Variants in HYDIN observed in about 807,000 individuals in gnomAD.
HYDIN encodes axonemal central pair apparatus protein HYDIN.
A neutral mutation model predicts 403.9 loss-of-function variants in HYDIN; 132 were observed. That is an observed-to-expected ratio of 0.33 (90% CI 0.28 to 0.38). The LOEUF (loss-of-function observed/expected upper bound fraction) is 0.38, where lower values mean the gene tolerates loss of function less well. Ranked by LOEUF, HYDIN falls within the 10% of genes least tolerant of loss-of-function variation. The probability of loss-of-function intolerance (pLI) is 1.00; values close to 1 mark genes in which losing one functional copy is unlikely to be tolerated. For missense variants in HYDIN, 2,827 were observed against 5,009.5 expected (o/e 0.56, Z 13.15); for synonymous variants, 1,202 against 1,891.7 (o/e 0.64, Z 9.46).
At chr16:71,044,765 T>C (rs898328309) in intron 18 of HYDIN, among the ~76,000 whole-genome samples, 1 of 141,530 alleles carries the variant, frequency 7.1e-6, no homozygotes. Flanking sequence ...ATTGAACATA[T>C]TGAGCATATT....
Position 71,226,292 on chromosome 16 carries a change from T to C in HYDIN, c.-24+4270A>G, listed in dbSNP as rs1430390848. On this transcript the variant is annotated intron_variant, in intron 1 of 85. Coordinates refer to ENST00000393567, the MANE Select transcript of HYDIN (RefSeq NM_001270974.2). Reference sequence around the variant, plus strand: ...TAAATCAGAAACATGTATTCACACATACATGGTCAACTGATTTTTGACAAA... The same window carrying C: ...TAAATCAGAAACATGTATTCACACACACATGGTCAACTGATTTTTGACAAA... 3.9e-5 allele frequency among the ~76,000 whole-genome samples: 6 copies of C among 152,310 alleles called. No individual in the cohort carries two copies. The East Asian group carries it at 7.7e-4, about 20-fold the overall frequency.
intron 57 of HYDIN, 133 bp from the exon 58 acceptor site, chr16:70,889,837 C>G (rs527661395): frequency 1.5e-6 from 1 of 680,362 alleles, no homozygotes; most frequent in African/African-American, 1.8e-5. Context: ...CAAGAGGACA[C>G]TGGAGTGGCA....
At chr16:70,996,563 T>C (rs2079540149) in intron 23 of HYDIN, among the ~76,000 whole-genome samples, 1 of 152,042 alleles carries the variant, frequency 6.6e-6, no homozygotes, top group Admixed American at 6.6e-5. Context: ...TGAGCCATAG[T>C]TCACATAATG....
intron 25 of HYDIN, among the ~76,000 whole-genome samples, chr16:70,989,002 T>A (rs2144037639): frequency 6.6e-6 from 1 of 152,210 alleles, no homozygotes; most frequent in East Asian, 1.9e-4. Context: ...TTTGAGGATG[T>A]TTGCTTTAAT....
At chr16:71,063,501 G>A (rs2082158264) in intron 16 of HYDIN, among the ~76,000 whole-genome samples, 1 of 152,216 alleles carries the variant, frequency 6.6e-6, no homozygotes, top group South Asian at 2.1e-4. Flanking sequence ...CCTATGCCCA[G>A]TCCTGCTGTG....
chr16:70,853,214 A>C lies in HYDIN; in HGVS notation c.12443+1914T>G, dbSNP rs561761859. Among the ~76,000 whole-genome samples, 6 of 152,230 alleles carry C rather than the reference A, an allele frequency of 3.9e-5. No individual in the cohort carries two copies. In the South Asian group the frequency reaches 1.2e-3, roughly 32 times the overall value. On this transcript the variant is annotated intron_variant, in intron 73 of 85. Coordinates refer to ENST00000393567, the MANE Select transcript of HYDIN (RefSeq NM_001270974.2). The stretch of plus-strand genomic sequence containing the variant: ...AATAAAAAAATTGTGACACCACTAA[A>C]TTTTGGTGATGTTGTGGAGATTCTG...
intron 1 of HYDIN, among the ~76,000 whole-genome samples, chr16:71,208,605 C>T (rs138103824): frequency 5.9e-5 from 9 of 152,014 alleles, no homozygotes; most frequent in Middle Eastern, 3.4e-3. Context: ...AAAATATCAA[C>T]AAATCCAGAG....
intron 73 of HYDIN, among the ~76,000 whole-genome samples, chr16:70,853,761 T>C (rs978570036): frequency 1.4e-5 from 2 of 144,168 alleles, no homozygotes; most frequent in Non-Finnish European, 3.0e-5. Flanking sequence ...AAGGGATCTG[T>C]TCTGTGTCTT....
chr16:71,006,759 G>A (rs2079900394), intron 23 of HYDIN, among the ~76,000 whole-genome samples: 2 of 151,946 alleles, frequency 1.3e-5, no homozygotes, highest in South Asian at 2.1e-4. Context: ...TCACCCTGCT[G>A]GGACTGATCA....
chr16:70,938,320 G>A (rs144907427), intron 44 of HYDIN, among the ~76,000 whole-genome samples: 1,851 of 152,348 alleles, frequency 0.012, 11 homozygotes, highest in Non-Finnish European at 0.02. Context: ...GGGCCCCAGG[G>A]CAGCACAGAG....
At chr16:71,169,975 A>G (rs568790211) in intron 5 of HYDIN, among the ~76,000 whole-genome samples, 1 of 152,296 alleles carries the variant, frequency 6.6e-6, no homozygotes, top group East Asian at 1.9e-4. Context: ...TTATTTTTTT[A>G]AATTGTGGTT....
rs1257683525 is a variant in HYDIN at position 70,804,227 on chromosome 16, C to A, written c.*3353G>T. ...GGCTCTTGGTCCCAGGGAGAAGGAA[C>A]TTCCTCCTCTCTCAGGGGCTAGGAG... On this transcript the variant is annotated 3_prime_UTR_variant, in exon 86 of 86. Transcript: ENST00000393567. Among the ~76,000 whole-genome samples, 4 of 152,238 alleles carry A rather than the reference C, an allele frequency of 2.6e-5. No homozygotes were observed. Among genetic ancestry groups the A allele is most frequent in the Non-Finnish European group, 5.9e-5 (4 of 68,048 alleles).
At chr16:70,835,898 G>A (rs2037391886) in intron 77 of HYDIN, 64 bp from the exon 78 acceptor site, 1 of 627,088 alleles carries the variant, frequency 1.6e-6, no homozygotes, top group Non-Finnish European at 2.8e-6. Context: ...AACATTATAT[G>A]TCTACTCTGG....
intron 10 of HYDIN, among the ~76,000 whole-genome samples, chr16:71,102,568 C>T (rs1252822507): frequency 2.0e-5 from 3 of 151,140 alleles, no homozygotes; most frequent in South Asian, 2.1e-4. Context: ...TATGCATGTG[C>T]CAGCAAAAAC....
chr16:71,094,589 A>C (rs533774014), intron 10 of HYDIN, among the ~76,000 whole-genome samples: 17 of 152,346 alleles, frequency 1.1e-4, no homozygotes, highest in African/African-American at 1.7e-4. Context: ...CAGAAATTTT[A>C]TCTCTCACAA....
At chr16:71,221,949 C>T (rs1476927326) in intron 1 of HYDIN, among the ~76,000 whole-genome samples, 1 of 152,184 alleles carries the variant, frequency 6.6e-6, no homozygotes, top group Admixed American at 6.5e-5. Context: ...CTTTTCAAAC[C>T]GTGTTCAAAT....
intron 6 of HYDIN, among the ~76,000 whole-genome samples, chr16:71,160,233 G>A (rs901043077): frequency 4.8e-5 from 7 of 146,894 alleles, no homozygotes; most frequent in Middle Eastern, 3.4e-3. Flanking sequence ...AAGAACCACA[G>A]CAGTAAGCCA....
Position 70,837,679 on chromosome 16 carries a change from C to T in HYDIN, c.13242+11G>A, listed in dbSNP as rs765885795. 6 of 1,613,804 alleles carry T rather than the reference C, an allele frequency of 3.7e-6. No homozygotes were observed. In the Admixed American group the frequency reaches 1.0e-4, roughly 27 times the overall value. On this transcript the variant is annotated intron_variant, in intron 77 of 85. Coordinates refer to ENST00000393567, the MANE Select transcript of HYDIN (RefSeq NM_001270974.2). ...GGTGCCACGCCTGAAGGCCTCCCGACTGTCTGTTACCTTCATTTTGGTACC... is the reference window on the plus strand; with the variant it reads ...GGTGCCACGCCTGAAGGCCTCCCGATTGTCTGTTACCTTCATTTTGGTACC...
intron 77 of HYDIN, among the ~76,000 whole-genome samples, chr16:70,837,341 A>T (rs1456037836): frequency 2.0e-5 from 3 of 151,958 alleles, no homozygotes; most frequent in Non-Finnish European, 4.4e-5. Flanking sequence ...CTGAAAACAA[A>T]CATGCCCTGA....
Sources: gnomAD v4.1 joint callset for allele counts (sites outside exome capture counted in the v4.1 genomes callset) on GRCh38, gnomAD v4.1.1 for gene constraint, MANE v1.5 for transcripts, NCBI Gene and HGNC (gene_info 2026-07-23, HGNC 2026-07-21) for gene names.